The following MSH3 variants were observed in gnomAD, a reference collection of about 807,000 sequenced individuals.
MSH3 encodes mutS homolog 3, also known as DNA mismatch repair protein Msh3.
A neutral mutation model predicts 123.3 loss-of-function variants in MSH3; 106 were observed. The observed-to-expected ratio is 0.86, with a 90% CI of 0.73 to 1.01. MSH3 has a LOEUF of 1.01. Ranked by LOEUF, MSH3 falls within the 50% of genes least tolerant of loss-of-function variation. The pLI, the probability that MSH3 is intolerant of heterozygous loss-of-function variation, is 0.00. For synonymous variants in MSH3, 515 were observed against 481.4 expected, an observed-to-expected ratio of 1.07 and a Z score of -0.91; for missense variants, 1,459 against 1,347.6, an observed-to-expected ratio of 1.08 and a Z score of -1.29.
chr5:80,654,922 GCCC>G lies in MSH3; in HGVS notation c.198_200del (p.Pro67del). 6.5e-7 allele frequency: 1 copy of G among 1,531,964 alleles called. No homozygotes were observed. The highest frequency in any genetic ancestry group is 1.7e-4 in the Middle Eastern group (1 of 5,764). 94.9% of individuals were successfully genotyped at this position (1,531,964 alleles called of 1,614,324 possible). On this transcript the variant is annotated inframe_deletion, in exon 1 of 24. Transcript: ENST00000265081. Reference sequence around the variant, plus strand: ...CCGCAGCGGCCGCAGCGCCCCCAGCGCCCCCAGCTCCCGCCTTCCCGCCCCAGC... The same window carrying G: ...CCGCAGCGGCCGCAGCGCCCCCAGCGCCAGCTCCCGCCTTCCCGCCCCAGC...
chr5:80,746,706 T>G (rs1743727262), intron 12 of MSH3: 2 of 366,558 alleles, frequency 5.5e-6, no homozygotes, highest in African/African-American at 4.3e-5. Flanking sequence ...TGGGTCGTTA[T>G]CTCCATCATC....
chr5:80,843,406 A>G (rs1420823313), intron 20 of MSH3, among the ~76,000 whole-genome samples: 1 of 152,212 alleles, frequency 6.6e-6, no homozygotes, highest in African/African-American at 2.4e-5. Flanking sequence ...TATCAGGATG[A>G]GGCTGGCCTC....
chr5:80,827,195 C>G (rs1745335079), intron 20 of MSH3, among the ~76,000 whole-genome samples: 1 of 152,188 alleles, frequency 6.6e-6, no homozygotes, highest in Admixed American at 6.5e-5. Flanking sequence ...CAATTGGCCT[C>G]TTCTCTCAGC....
At chr5:80,812,350 A>C (rs1463826063) in intron 19 of MSH3, among the ~76,000 whole-genome samples, 1 of 152,048 alleles carries the variant, frequency 6.6e-6, no homozygotes, top group Admixed American at 6.6e-5. Flanking sequence ...TTTCATTACT[A>C]ATTACCCTCT....
chr5:80,806,800 AT>A (rs1454229936), intron 19 of MSH3, among the ~76,000 whole-genome samples: 1 of 152,182 alleles, frequency 6.6e-6, no homozygotes, highest in African/African-American at 2.4e-5. Flanking sequence ...CTATAGATCA[AT>A]TTGGGGAGGA....
intron 12 of MSH3, among the ~76,000 whole-genome samples, chr5:80,750,031 A>G (rs549127989): frequency 3.6e-4 from 53 of 148,550 alleles, no homozygotes; most frequent in African/African-American, 1.2e-3. Flanking sequence ...ATATTGTCAA[A>G]TGATAGAATT....
chr5:80,776,189 CCTTT>C (rs1185755029), intron 16 of MSH3, among the ~76,000 whole-genome samples: 1 of 152,080 alleles, frequency 6.6e-6, no homozygotes, highest in East Asian at 1.9e-4. Flanking sequence ...TGTGCCCTGC[CCTTT>C]CTTATGGAAC....
At position 80,670,034 on chromosome 5, in the gene MSH3, G is replaced by A. The variant is rs570543163; in HGVS notation, c.580-63G>A. 123 of 1,492,494 alleles carry A rather than the reference G, an allele frequency of 8.2e-5. No individual in the cohort carries two copies. In the African/African-American group the frequency reaches 1.2e-3, roughly 14 times the overall value. 92.5% of individuals were successfully genotyped at this position (1,492,494 alleles called of 1,614,324 possible). On this transcript the variant is annotated intron_variant, in intron 3 of 23. Transcript: ENST00000265081. ...GCTTTTTGCCAGATTTGCATTTTCC[G>A]TCTCTGGGAACTTATTATTGTGGTT...
chr5:80,728,615 T>C lies in MSH3; in HGVS notation c.1454-236T>C, dbSNP rs245014. 0.23 allele frequency among the ~76,000 whole-genome samples: 34,529 copies of C among 152,058 alleles called. 4,109 individuals are homozygous for C. Among genetic ancestry groups the C allele is most frequent in the Non-Finnish European group, 0.27 (18,488 of 67,960 alleles). ...AACCTGTTCTTCAAAAAAGGTTCATTCCACCATCAGAAAAATGCCCTTTTT... is the reference window on the plus strand; with the variant it reads ...AACCTGTTCTTCAAAAAAGGTTCATCCCACCATCAGAAAAATGCCCTTTTT... On this transcript the variant is annotated intron_variant, in intron 9 of 23. Coordinates refer to ENST00000265081, the MANE Select transcript of MSH3 (RefSeq NM_002439.5).
chr5:80,723,200 A>G (rs976116951), intron 8 of MSH3, among the ~76,000 whole-genome samples: 1 of 152,164 alleles, frequency 6.6e-6, no homozygotes, highest in African/African-American at 2.4e-5. Flanking sequence ...AGAAAATCAA[A>G]GGGCCAGGAG....
chr5:80,817,082 C>G (rs892940311), intron 20 of MSH3, among the ~76,000 whole-genome samples: 3 of 152,118 alleles, frequency 2.0e-5, no homozygotes, highest in Admixed American at 2.0e-4. Flanking sequence ...GATTAATGTT[C>G]TGAGACTGAA....
intron 19 of MSH3, among the ~76,000 whole-genome samples, chr5:80,810,194 T>TATATATAA (rs1554074256): frequency 6.8e-6 from 1 of 146,858 alleles, no homozygotes; most frequent in Non-Finnish European, 1.5e-5. Context: ...TATATATATA[T>TATATATAA]AAACTAGTAG....
chr5:80,725,107 G>A (rs532624987), intron 8 of MSH3, among the ~76,000 whole-genome samples: 9 of 151,472 alleles, frequency 5.9e-5, no homozygotes, highest in Admixed American at 2.0e-4. Context: ...TCAGCTACTC[G>A]GGAGGCTGAG....
At chr5:80,706,944 A>G (rs763889235) in intron 8 of MSH3, among the ~76,000 whole-genome samples, 1 of 152,242 alleles carries the variant, frequency 6.6e-6, no homozygotes, top group Non-Finnish European at 1.5e-5. Flanking sequence ...ACAGATACAC[A>G]CATCAATATA....
At chr5:80,729,571 A>G (rs1303127978) in intron 10 of MSH3, among the ~76,000 whole-genome samples, 2 of 151,974 alleles carry the variant, frequency 1.3e-5, no homozygotes. Flanking sequence ...AACTGGACCC[A>G]GAAATAGTAT....
chr5:80,693,495 G>A (rs1284585404), intron 8 of MSH3, among the ~76,000 whole-genome samples: 2 of 149,224 alleles, frequency 1.3e-5, no homozygotes, highest in African/African-American at 5.0e-5. Flanking sequence ...ATATGCACAT[G>A]TATATGTTTA....
intron 18 of MSH3, among the ~76,000 whole-genome samples, 153 bp from the exon 19 acceptor site, chr5:80,792,580 G>T (rs1239690572): frequency 6.6e-6 from 1 of 151,648 alleles, no homozygotes. Flanking sequence ...TATACTCAAG[G>T]TTTTATTCTG....
At chr5:80,706,914 GTA>G (rs1750736663) in intron 8 of MSH3, among the ~76,000 whole-genome samples, 1 of 152,110 alleles carries the variant, frequency 6.6e-6, no homozygotes, top group Non-Finnish European at 1.5e-5. Flanking sequence ...CATTTTAAGT[GTA>G]TGAGTCAATC....
intron 8 of MSH3, among the ~76,000 whole-genome samples, chr5:80,681,251 A>T (rs1237396183): frequency 6.6e-6 from 1 of 152,168 alleles, no homozygotes; most frequent in African/African-American, 2.4e-5. Flanking sequence ...GTAAACTTGT[A>T]AGGAGAGCTG....
Sources: allele counts gnomAD v4.1 joint callset (sites outside exome capture counted in the v4.1 genomes callset), GRCh38; gene constraint gnomAD v4.1.1; transcripts MANE v1.5; gene names NCBI Gene and HGNC (gene_info 2026-07-23, HGNC 2026-07-21).